UBXN2B: variants seen among roughly 807,000 people sequenced by gnomAD.
The protein encoded by UBXN2B is UBX domain-containing protein 2B.
Under a neutral mutation model 37.5 loss-of-function variants are expected in UBXN2B, and 19 were observed. The observed-to-expected ratio is 0.51, with a 90% CI of 0.35 to 0.74. UBXN2B has a LOEUF of 0.74. Ranked by LOEUF, UBXN2B falls within the 30% of genes least tolerant of loss-of-function variation. The pLI, the probability that UBXN2B is intolerant of heterozygous loss-of-function variation, is 0.01. For synonymous variants in UBXN2B, 145 were observed against 143.8 expected, an observed-to-expected ratio of 1.01 and a Z score of -0.06; for missense variants, 370 against 393.2, an observed-to-expected ratio of 0.94 and a Z score of 0.50.
chr8:58,427,470 A>T (rs1808133649), intron 2 of UBXN2B, among the ~76,000 whole-genome samples: 1 of 152,264 alleles, frequency 6.6e-6, no homozygotes, highest in South Asian at 2.1e-4. Flanking sequence ...CTCAAAAAAT[A>T]TATAAATAAA....
chr8:58,426,598 A>G (rs1483294009), intron 2 of UBXN2B: 2 of 751,874 alleles, frequency 2.7e-6, no homozygotes, highest in Admixed American at 3.5e-5. Flanking sequence ...GGCCTTGCCA[A>G]AAAACTGCTG....
Position 58,449,086 on chromosome 8 carries a change from A to T in UBXN2B, c.*1535A>T, listed in dbSNP as rs1046496345. Reference sequence around the variant, plus strand: ...ATCTCTATGACCCTTCTGTTACCACATCTCTCTGACACCAGTGTGGAGAGG... The same window carrying T: ...ATCTCTATGACCCTTCTGTTACCACTTCTCTCTGACACCAGTGTGGAGAGG... On this transcript the variant is annotated 3_prime_UTR_variant, in exon 8 of 8. Coordinates refer to ENST00000399598, the MANE Select transcript of UBXN2B (RefSeq NM_001077619.2). The T allele has an allele frequency of 1.3e-5, 2 of 152,138 alleles. No individual in the cohort carries two copies. Among genetic ancestry groups the T allele is most frequent in the African/African-American group, 2.4e-5 (1 of 41,422 alleles). The allele number at this position is 152,138 out of a possible 1,614,324, so 9.4% of individuals were successfully genotyped here.
intron 2 of UBXN2B, chr8:58,425,905 A>T: frequency 8.3e-7 from 1 of 1,204,546 alleles, no homozygotes; most frequent in Non-Finnish European, 1.2e-6. Flanking sequence ...CTTTGTCATC[A>T]CTGGTGCGCA....
At chr8:58,422,165 G>A (rs1807945006) in intron 2 of UBXN2B, among the ~76,000 whole-genome samples, 2 of 152,208 alleles carry the variant, frequency 1.3e-5, no homozygotes, top group South Asian at 4.1e-4. Context: ...GAAGACAGCA[G>A]TCATGACATT....
chr8:58,433,704 G>A (rs1808341060), intron 4 of UBXN2B, among the ~76,000 whole-genome samples: 1 of 151,862 alleles, frequency 6.6e-6, no homozygotes, highest in African/African-American at 2.4e-5. Context: ...GGGAGACTGA[G>A]GTGGGCAGAT....
chr8:58,430,413 CCT>C (rs1010623431), intron 2 of UBXN2B, 104 bp from the exon 3 acceptor site: 1 of 772,742 alleles, frequency 1.3e-6, no homozygotes, highest in African/African-American at 1.8e-5. Flanking sequence ...CAAAATAATG[CCT>C]CTTTTTAAAT....
chr8:58,420,431 A>G (rs1807895810), intron 2 of UBXN2B, among the ~76,000 whole-genome samples: 1 of 152,238 alleles, frequency 6.6e-6, no homozygotes, highest in African/African-American at 2.4e-5. Context: ...CACTAAATGT[A>G]TAATAAACAG....
chr8:58,447,019 G>C (rs1229804175), intron 7 of UBXN2B, among the ~76,000 whole-genome samples: 1 of 151,536 alleles, frequency 6.6e-6, no homozygotes, highest in Non-Finnish European at 1.5e-5. Flanking sequence ...GGCTAATCTT[G>C]AACTCCTGGC....
chr8:58,411,406 T>G lies in UBXN2B; in HGVS notation c.21T>G (p.Pro7=). The G allele has an allele frequency of 7.9e-7, 1 of 1,269,192 alleles. No individual in the cohort carries two copies. Among genetic ancestry groups the G allele is most frequent in the Non-Finnish European group, 1.0e-6 (1 of 1,002,472 alleles). The allele number at this position is 1,269,192 out of a possible 1,614,324, so 78.6% of individuals were successfully genotyped here. The change falls in exon 1 of 8, where the codon CCT becomes CCG. Residue 7 remains proline (P), a synonymous_variant. Transcript: ENST00000399598. MAEGGG[P]EPGEQERRSS... ...GGAAGATGGCGGAGGGCGGAGGCCC[T>G]GAGCCCGGCGAGCAGGAGAGGAGGT...
At chr8:58,414,488 C>A (rs963566627) in intron 1 of UBXN2B, among the ~76,000 whole-genome samples, 1 of 152,178 alleles carries the variant, frequency 6.6e-6, no homozygotes, top group Non-Finnish European at 1.5e-5. Context: ...GAAAGATTAT[C>A]AATACTTTAC....
chr8:58,439,256 A>C (rs897571210), intron 5 of UBXN2B, among the ~76,000 whole-genome samples: 1 of 152,208 alleles, frequency 6.6e-6, no homozygotes, highest in Non-Finnish European at 1.5e-5. Context: ...AAAAACACCC[A>C]TATCAATTTT....
At chr8:58,429,556 G>A (rs770058951) in intron 2 of UBXN2B, among the ~76,000 whole-genome samples, 25 of 152,136 alleles carry the variant, frequency 1.6e-4, no homozygotes, top group Non-Finnish European at 3.2e-4. Context: ...TCTCCATCCT[G>A]ATGGATCTTT....
At position 58,426,405 on chromosome 8, in the gene UBXN2B, T is replaced by TCAC. The variant is rs200837298; in HGVS notation, c.189-4111_189-4109dup. ...TGTATTTTTTAGTAGAGACGGGGTT[T>TCAC]CACCATGTTAGCCAGGATGGTCTCA... On this transcript the variant is annotated intron_variant, in intron 2 of 7. Transcript: ENST00000399598. 6.4e-3 allele frequency: 3,516 copies of TCAC among 549,806 alleles called. 27 individuals are homozygous for TCAC. The highest frequency in any genetic ancestry group is 9.1e-3 in the Admixed American group (329 of 36,348). The allele number at this position is 549,806 out of a possible 1,614,324, so 34.1% of individuals were successfully genotyped here.
intron 2 of UBXN2B, chr8:58,425,162 A>G: frequency 4.6e-6 from 4 of 878,032 alleles, no homozygotes; most frequent in Non-Finnish European, 5.9e-6. Context: ...CCAACCTTTG[A>G]AAGTTTAAGT....
At chr8:58,424,649 G>A (rs1215614979) in intron 2 of UBXN2B, 2 of 1,186,650 alleles carry the variant, frequency 1.7e-6, no homozygotes, top group Non-Finnish European at 2.5e-6. Context: ...AGCACTGTCT[G>A]CTCTCATTTC....
At chr8:58,447,033 A>G (rs1233026399) in intron 7 of UBXN2B, among the ~76,000 whole-genome samples, 3 of 151,844 alleles carry the variant, frequency 2.0e-5, no homozygotes, top group African/African-American at 4.8e-5. Context: ...TCCTGGCCTC[A>G]AGTGATCTGC....
intron 7 of UBXN2B, 75 bp from the exon 8 acceptor site, chr8:58,447,311 TTTA>T (rs1277668226): frequency 3.7e-6 from 5 of 1,359,918 alleles, no homozygotes; most frequent in Non-Finnish European, 4.9e-6. Context: ...TTTTGTGATT[TTTA>T]TTATGATTCA....
chr8:58,425,419 C>A (rs1808055979), intron 2 of UBXN2B: 1 of 1,136,262 alleles, frequency 8.8e-7, no homozygotes, highest in Non-Finnish European at 1.3e-6. Flanking sequence ...TGAATTGTTA[C>A]ACTTGGTTTC....
At chr8:58,432,375 CTTTTTTTT>C (rs34018318) in intron 3 of UBXN2B, among the ~76,000 whole-genome samples, 5 of 81,504 alleles carry the variant, frequency 6.1e-5, no homozygotes, top group African/African-American at 1.0e-4. Context: ...TTCTAAATTT[CTTTTTTTT>C]TTTTTTTTTT....
Sources: gnomAD v4.1 joint callset for allele counts (sites outside exome capture counted in the v4.1 genomes callset) on GRCh38, gnomAD v4.1.1 for gene constraint, MANE v1.5 for transcripts, NCBI Gene and HGNC (gene_info 2026-07-23, HGNC 2026-07-21) for gene names.